The following AGBL1 variants were observed in gnomAD, a reference collection of about 807,000 sequenced individuals.
AGBL1 encodes cytosolic carboxypeptidase 4.
In AGBL1, 130 loss-of-function variants were observed where a neutral mutation model predicts 118.9. The ratio of observed to expected loss-of-function variants is 1.09; its 90% CI spans 0.95 to 1.26. The LOEUF (loss-of-function observed/expected upper bound fraction) is 1.26, where lower values mean the gene tolerates loss of function less well. AGBL1 is among the 50% of genes most tolerant of loss of function. The pLI, the probability that AGBL1 is intolerant of heterozygous loss-of-function variation, is 0.00. For missense variants in AGBL1, 1,584 were observed against 1,298.1 expected (o/e 1.22, Z -3.38); for synonymous variants, 555 against 478.9 (o/e 1.16, Z -2.08).
At chr15:86,900,651 A>C (rs1431582336) in intron 22 of AGBL1, among the ~76,000 whole-genome samples, 2 of 141,302 alleles carry the variant, frequency 1.4e-5, no homozygotes, top group Admixed American at 7.2e-5. Flanking sequence ...CTTATATCAG[A>C]ATTTTTTTTT....
chr15:86,113,763 C>G (rs556286447), intron 1 of AGBL1, among the ~76,000 whole-genome samples: 2 of 152,184 alleles, frequency 1.3e-5, no homozygotes. Flanking sequence ...GCGAAGTGAA[C>G]AAATAGGGAA....
chr15:86,217,900 T>C (rs12442868), intron 5 of AGBL1, among the ~76,000 whole-genome samples: 5,723 of 152,286 alleles, frequency 0.038, 203 homozygotes, highest in South Asian at 0.12. Flanking sequence ...TGCTCAAATC[T>C]GAGCCTCTGA....
rs956675495 is a variant in AGBL1, at chr15:86,295,104, G to T, written c.2221-151G>T. The T allele has an allele frequency of 5.2e-5, 43 of 826,856 alleles. No homozygotes were observed. In the African/African-American group the frequency reaches 7.1e-4, roughly 14 times the overall value. The allele number at this position is 826,856 out of a possible 1,614,324, so 51.2% of individuals were successfully genotyped here. On this transcript the variant is annotated intron_variant, in intron 16 of 22. Coordinates refer to ENST00000614907, the MANE Select transcript of AGBL1 (RefSeq NM_001386094.1). ...GAGTTTCTCCTACACAGTAGAAATA[G>T]CCCCCTTTTAATCACTCAAGGCCCA...
At chr15:86,825,652 A>C (rs1352917215) in intron 22 of AGBL1, among the ~76,000 whole-genome samples, 1 of 138,604 alleles carries the variant, frequency 7.2e-6, no homozygotes, top group Non-Finnish European at 1.6e-5. Flanking sequence ...GAAAGAAAGG[A>C]AGGGAAGGGA....
chr15:86,298,315 AGGTAACTATATATAT>A (rs1184617410), intron 17 of AGBL1, among the ~76,000 whole-genome samples: 2 of 95,868 alleles, frequency 2.1e-5, no homozygotes, highest in Admixed American at 1.1e-4. Flanking sequence ...ATATATATAT[AGGTAACTATATATAT>A]GGTAACTATA....
intron 18 of AGBL1, among the ~76,000 whole-genome samples, chr15:86,434,943 C>T (rs1177074479): frequency 4.6e-5 from 7 of 152,224 alleles, no homozygotes; most frequent in East Asian, 3.9e-4. Flanking sequence ...CTCACATAGC[C>T]GCAGCAATTA....
At chr15:87,003,998 C>G (rs942776816) in intron 24 of AGBL1, among the ~76,000 whole-genome samples, 1 of 151,978 alleles carries the variant, frequency 6.6e-6, no homozygotes, top group African/African-American at 2.4e-5. Context: ...TATTTCTTGC[C>G]TTCTGCTAGC....
At position 86,895,172 on chromosome 15, in the gene AGBL1, TC is replaced by T. The variant is rs397804385; in HGVS notation, c.3159-11909del. The stretch of plus-strand genomic sequence containing the variant: ...TTTTTACTCTTTTCTTCTTTCTCTT[TC>T]CCCCCTCTTTTCTTTTCCCAGCCTT... On this transcript the variant is annotated intron_variant, in intron 22 of 22. Coordinates refer to ENST00000614907, the MANE Select transcript of AGBL1 (RefSeq NM_001386094.1). Among the ~76,000 whole-genome samples the T allele has an allele frequency of 4.0e-5, 6 of 149,098 alleles. No individual in the cohort carries two copies. The East Asian group carries it at 5.9e-4, about 15-fold the overall frequency.
intron 22 of AGBL1, among the ~76,000 whole-genome samples, chr15:86,693,208 TA>T (rs2086201455): frequency 6.6e-6 from 1 of 152,172 alleles, no homozygotes; most frequent in South Asian, 2.1e-4. Context: ...GTCGTTGTAC[TA>T]GTTTATATTC....
At position 86,546,141 on chromosome 15, in the gene AGBL1, G is replaced by A. The variant is rs377741870; in HGVS notation, c.2817+8G>A. 307 of 1,607,106 alleles carry A rather than the reference G, an allele frequency of 1.9e-4. No homozygotes were observed. In the African/African-American group the frequency reaches 3.4e-3, roughly 18 times the overall value. Reference sequence around the variant, plus strand: ...GAGGAGGTCAACTACAGGGTAAGCCGCTGTGGGGAATGACATCAGACATGC... The same window carrying A: ...GAGGAGGTCAACTACAGGGTAAGCCACTGTGGGGAATGACATCAGACATGC... On this transcript the variant is annotated splice_region_variant and intron_variant, in intron 20 of 22. Transcript: ENST00000614907.
intron 5 of AGBL1, among the ~76,000 whole-genome samples, chr15:86,179,350 A>G (rs2077522691): frequency 1.3e-5 from 2 of 152,250 alleles, no homozygotes; most frequent in Non-Finnish European, 2.9e-5. Flanking sequence ...TATCGACAAT[A>G]TATACAAGAT....
intron 23 of AGBL1, among the ~76,000 whole-genome samples, chr15:86,965,241 C>T (rs1479825384): frequency 6.6e-6 from 1 of 152,118 alleles, no homozygotes; most frequent in African/African-American, 2.4e-5. Flanking sequence ...AGTTTACAGT[C>T]CCACCAACAG....
At chr15:86,425,578 T>C (rs1743075811) in intron 18 of AGBL1, among the ~76,000 whole-genome samples, 1 of 152,070 alleles carries the variant, frequency 6.6e-6, no homozygotes, top group African/African-American at 2.4e-5. Flanking sequence ...TAATAGAAAT[T>C]GGGAAGCAAG....
intron 17 of AGBL1, among the ~76,000 whole-genome samples, chr15:86,371,344 A>C (rs909044215): frequency 6.6e-6 from 1 of 152,206 alleles, no homozygotes; most frequent in African/African-American, 2.4e-5. Context: ...GGAGTTGGAC[A>C]TGAGATTGGA....
chr15:87,016,958 G>T (rs144695051), intron 24 of AGBL1, among the ~76,000 whole-genome samples: 1 of 152,104 alleles, frequency 6.6e-6, no homozygotes, highest in Non-Finnish European at 1.5e-5. Flanking sequence ...GCATACTGTG[G>T]CCCCAGGATT....
At chr15:86,412,406 T>C (rs1304869265) in intron 18 of AGBL1, among the ~76,000 whole-genome samples, 2 of 152,238 alleles carry the variant, frequency 1.3e-5, no homozygotes, top group Non-Finnish European at 2.9e-5. Flanking sequence ...CTGATAGTCA[T>C]CTTTCCAAGT....
At chr15:86,807,703 G>A (rs1222754010) in intron 22 of AGBL1, among the ~76,000 whole-genome samples, 1 of 152,098 alleles carries the variant, frequency 6.6e-6, no homozygotes, top group East Asian at 1.9e-4. Context: ...TAGGTAATGG[G>A]AGTTTTTGTA....
At chr15:86,487,319 G>A (rs2082726304) in intron 18 of AGBL1, among the ~76,000 whole-genome samples, 1 of 152,084 alleles carries the variant, frequency 6.6e-6, no homozygotes, top group African/African-American at 2.4e-5. Context: ...AAGGGCAGCT[G>A]CACCCCAGCC....
chr15:86,950,794 C>G (rs1007241458), intron 23 of AGBL1, among the ~76,000 whole-genome samples: 1 of 151,834 alleles, frequency 6.6e-6, no homozygotes, highest in Non-Finnish European at 1.5e-5. Flanking sequence ...AAGAGGATGT[C>G]AAAATGGTTA....
Sources: allele counts gnomAD v4.1 joint callset (sites outside exome capture counted in the v4.1 genomes callset), GRCh38; gene constraint gnomAD v4.1.1; transcripts MANE v1.5; gene names NCBI Gene and HGNC (gene_info 2026-07-23, HGNC 2026-07-21).